Variants in ADA2 observed in about 807,000 individuals in gnomAD.
The protein encoded by ADA2 is adenosine deaminase CECR1.
ADA2 carries 29 observed loss-of-function variants against 44.2 expected under a neutral mutation model. The ratio of observed to expected loss-of-function variants is 0.66; its 90% CI spans 0.49 to 0.89. The LOEUF is 0.89. Among genes scored for constraint, ADA2 ranks in the 40% least tolerant of loss-of-function variants. The pLI, the probability that ADA2 is intolerant of heterozygous loss-of-function variation, is 0.00. For synonymous variants in ADA2, 215 were observed against 234.9 expected, an observed-to-expected ratio of 0.92 and a Z score of 0.77; for missense variants, 637 against 644.8, an observed-to-expected ratio of 0.99 and a Z score of 0.13.
chr22:17,207,048 G>A (rs1400572586), intron 3 of ADA2, 23 bp downstream of exon 3: 1 of 1,588,578 alleles, frequency 6.3e-7, no homozygotes, highest in African/African-American at 1.3e-5. Context: ...CCTGGGACAT[G>A]TGCTTTCTGA....
At chr22:17,219,672 T>A (rs994745674), upstream of ADA2, 1 of 135,500 alleles carries the variant, frequency 7.4e-6, no homozygotes, top group Non-Finnish European at 1.6e-5. Context: ...TTTGTTTTTT[T>A]TTTTTTTTTT....
chr22:17,188,322 G>C lies in ADA2; in HGVS notation c.1081+17C>G. ...TTGACCACCTCCGCTGCCTCTGCTC[G>C]CATCCCGCAGGCTCACCTGTTTCTC... is the stretch of plus-strand genomic sequence containing the variant. On this transcript the variant is annotated intron_variant, in intron 7 of 9. Transcript: ENST00000399837. 6.3e-7 allele frequency: 1 copy of C among 1,588,882 alleles called. No individual in the cohort carries two copies. Among genetic ancestry groups the C allele is most frequent in the South Asian group, 1.1e-5 (1 of 90,548 alleles).
intron 4 of ADA2, among the ~76,000 whole-genome samples, chr22:17,203,210 ATG>A (rs1387725464): frequency 6.6e-6 from 1 of 152,168 alleles, no homozygotes; most frequent in Admixed American, 6.6e-5. Flanking sequence ...TCACCCTGCC[ATG>A]TGGCTCCTTT....
At chr22:17,199,240 A>G (rs796865233) in intron 4 of ADA2, among the ~76,000 whole-genome samples, 1 of 152,074 alleles carries the variant, frequency 6.6e-6, no homozygotes, top group African/African-American at 2.4e-5. Context: ...CAGGCCCCCA[A>G]GTCTCTCCAC....
intron 6 of ADA2, among the ~76,000 whole-genome samples, chr22:17,189,115 G>A (rs546063376): frequency 2.0e-5 from 3 of 148,762 alleles, no homozygotes; most frequent in Non-Finnish European, 4.4e-5. Flanking sequence ...TGCCTCCTGA[G>A]TTCAAGTGAT....
rs186162944 is a variant in ADA2, at chr22:17,207,630, G to A, written c.323-340C>T. The stretch of plus-strand genomic sequence containing the variant: ...AGCCAGGGGTGATCTTGTCCAAGAG[G>A]GGCAGCATGGGAGAGTGAGAGGGCA... On this transcript the variant is annotated intron_variant, in intron 2 of 9. Transcript: ENST00000399837. Among the ~76,000 whole-genome samples the A allele has an allele frequency of 2.4e-3, 360 of 152,196 alleles. 2 individuals are homozygous for A. The highest frequency in any genetic ancestry group is 0.014 in the Middle Eastern group (4 of 294).
chr22:17,203,937 C>T (rs1601455203), intron 3 of ADA2, among the ~76,000 whole-genome samples, 164 bp from the exon 4 acceptor site: 1 of 152,154 alleles, frequency 6.6e-6, no homozygotes, highest in Admixed American at 6.5e-5. Context: ...CCCACGCTCA[C>T]GATATAAGCA....
chr22:17,206,409 ATC>A (rs2062354098), intron 3 of ADA2, among the ~76,000 whole-genome samples: 1 of 25,632 alleles, frequency 3.9e-5, no homozygotes, highest in African/African-American at 1.3e-4. Context: ...GTGAGCCAAG[ATC>A]AGGCTGCTGT....
intron 9 of ADA2, 28 bp from the exon 10 acceptor site, chr22:17,181,604 G>A (rs2123599441): frequency 2.7e-6 from 4 of 1,507,934 alleles, no homozygotes; most frequent in Non-Finnish European, 3.7e-6. Context: ...GCCCAGGTCA[G>A]CCTCAGGGCA....
rs2062094595 is a variant in ADA2, at chr22:17,189,986, C to G, written c.928G>C (p.Gly310Arg). The G allele has an allele frequency of 1.2e-6, 2 of 1,614,074 alleles. No homozygotes were observed. Among genetic ancestry groups the G allele is most frequent in the Non-Finnish European group, 8.5e-7 (1 of 1,179,954 alleles). Residue 310 changes from glycine to arginine, a missense_variant, in exon 6 of 10, where the codon GGG (glycine) becomes CGG (arginine). Coordinates refer to ENST00000399837, the MANE Select transcript of ADA2 (RefSeq NM_001282225.2). ...ACCGTGGGGAACTTGATTCGGAGCC[C>G]CATGGCCATTCGGATGGATTCTGCG... ...VIAESIRMAMGLRIKFPTVVA... is the reference protein window; with the variant it reads ...VIAESIRMAMRLRIKFPTVVA...
At chr22:17,221,721 A>T (rs1445840180), upstream of ADA2, 1 of 152,308 alleles carries the variant, frequency 6.6e-6, no homozygotes, top group African/African-American at 2.4e-5. Flanking sequence ...AGCTGGGCAC[A>T]CTTACCTGGA....
chr22:17,221,281 A>AG (rs1282130984), upstream of ADA2, among the ~76,000 whole-genome samples: 2 of 133,766 alleles, frequency 1.5e-5, no homozygotes, highest in African/African-American at 5.7e-5. Flanking sequence ...AATCATGTGA[A>AG]GGGTTTTTTG....
At chr22:17,192,275 A>C (rs1110473) in intron 4 of ADA2, among the ~76,000 whole-genome samples, 152,164 of 152,164 alleles carry the variant, frequency 1, 76,082 homozygotes, top group Non-Finnish European at 1. Flanking sequence ...AAAACAGCAC[A>C]TGGCACACGC....
intron 4 of ADA2, chr22:17,199,433 T>TATCCTCTTCCCCTCCCTCCCCACCTCA: frequency 6.1e-6 from 6 of 978,030 alleles, no homozygotes; most frequent in Non-Finnish European, 6.6e-6. Context: ...TCCCCTCCTC[T>TATCCTCTTCCCCTCCCTCCCCACCTCA]ATCCTCTTCC....
intron 1 of ADA2, 118 bp from the exon 2 acceptor site, chr22:17,209,841 A>G (rs965246974): frequency 2.7e-5 from 17 of 627,830 alleles, no homozygotes; most frequent in Middle Eastern, 8.5e-4. Flanking sequence ...TTCTTCTTCC[A>G]GACCCCAGAG....
At chr22:17,181,631 G>A in intron 9 of ADA2, 55 bp from the exon 10 acceptor site, 1 of 1,308,226 alleles carries the variant, frequency 7.6e-7, no homozygotes, top group South Asian at 1.2e-5. Context: ...GGGGAACGGG[G>A]CAGGGAGCCT....
chr22:17,199,404 T>C, intron 4 of ADA2: 4 of 790,252 alleles, frequency 5.1e-6, no homozygotes, highest in East Asian at 2.6e-5. Flanking sequence ...TGAAAGCCTC[T>C]GTCTCAGCGT....
chr22:17,213,655 A>G (rs2123726561), intron 1 of ADA2: 1 of 273,468 alleles, frequency 3.7e-6, no homozygotes, highest in Non-Finnish European at 7.5e-6. Flanking sequence ...AAGAATGAGG[A>G]GGAGAAGCAG....
At chr22:17,182,881 A>C (rs2123605942) in intron 7 of ADA2, 120 bp from the exon 8 acceptor site, 1 of 950,154 alleles carries the variant, frequency 1.1e-6, no homozygotes, top group Admixed American at 2.6e-5. Flanking sequence ...CCCAAGCACA[A>C]AAATGAAGAG....
Sources: allele counts gnomAD v4.1 joint callset (sites outside exome capture counted in the v4.1 genomes callset), GRCh38; gene constraint gnomAD v4.1.1; transcripts MANE v1.5; gene names NCBI Gene and HGNC (gene_info 2026-07-23, HGNC 2026-07-21).